The following RPN2 variants were observed in gnomAD, a reference collection of about 807,000 sequenced individuals.
RPN2 encodes ribophorin II, also known as dolichyl-diphosphooligosaccharide--protein glycosyltransferase subunit 2.
In RPN2, 29 loss-of-function variants were observed where a neutral mutation model predicts 71.4. That is an observed-to-expected ratio of 0.41 (90% CI 0.30 to 0.55). The LOEUF (loss-of-function observed/expected upper bound fraction) is 0.55. Among genes scored for constraint, RPN2 ranks in the 20% least tolerant of loss-of-function variants. RPN2 has a pLI of 0.35. For missense variants in RPN2, 726 were observed against 774.1 expected (o/e 0.94, Z 0.74); for synonymous variants, 308 against 305.0 (o/e 1.01, Z -0.10).
In RPN2 at chr20:37,236,851, G is replaced by A. The variant is rs1600853525; in HGVS notation, c.1883+142G>A. Reference sequence around the variant, plus strand: ...CACCCTAATCTAGCCCAGTACAGAAGCCAGAAGCACTTTGAAGTCAGAAAA... The same window carrying A: ...CACCCTAATCTAGCCCAGTACAGAAACCAGAAGCACTTTGAAGTCAGAAAA... On this transcript the variant is annotated intron_variant, in intron 16 of 16. Transcript: ENST00000237530. 5 of 821,210 alleles carry A rather than the reference G, an allele frequency of 6.1e-6. No homozygotes were observed. The East Asian group carries it at 1.0e-4, about 17-fold the overall frequency. The allele number at this position is 821,210 out of a possible 1,614,324, so 50.9% of individuals were successfully genotyped here.
intron 15 of RPN2, among the ~76,000 whole-genome samples, chr20:37,234,934 C>A (rs2068346074): frequency 6.6e-6 from 1 of 152,158 alleles, no homozygotes; most frequent in African/African-American, 2.4e-5. Flanking sequence ...CCGCCTTTGG[C>A]CTCCCAGAGT....
At chr20:37,198,575 T>G in intron 3 of RPN2, 83 bp downstream of exon 3, 1 of 1,598,612 alleles carries the variant, frequency 6.3e-7, no homozygotes, top group Middle Eastern at 1.7e-4. Flanking sequence ...CAAACATCCT[T>G]TTTTTAATTA....
At chr20:37,216,609 A>G (rs1162948589) in intron 9 of RPN2, among the ~76,000 whole-genome samples, 1 of 151,612 alleles carries the variant, frequency 6.6e-6, no homozygotes. Flanking sequence ...CTACAGGTGC[A>G]TGCCACCACA....
chr20:37,197,547 C>G (rs1487650991), intron 2 of RPN2, among the ~76,000 whole-genome samples: 1 of 152,186 alleles, frequency 6.6e-6, no homozygotes, highest in East Asian at 1.9e-4. Context: ...ATGGTATTAC[C>G]TGTGCATGAG....
At chr20:37,232,957 G>T (rs2068291004) in intron 14 of RPN2, among the ~76,000 whole-genome samples, 1 of 152,130 alleles carries the variant, frequency 6.6e-6, no homozygotes, top group African/African-American at 2.4e-5. Flanking sequence ...GCTCATGCCT[G>T]TAATCCCAGC....
chr20:37,191,629 G>A (rs992891809), intron 2 of RPN2, among the ~76,000 whole-genome samples: 12 of 151,690 alleles, frequency 7.9e-5, no homozygotes, highest in Admixed American at 2.6e-4. Flanking sequence ...TTAGCTGGGC[G>A]TGGTGGCGGG....
intron 9 of RPN2, among the ~76,000 whole-genome samples, chr20:37,214,731 C>T (rs1271428296): frequency 6.6e-6 from 1 of 152,160 alleles, no homozygotes. Context: ...CTACTCAGAA[C>T]AAGAAGTATA....
Position 37,210,172 on chromosome 20 carries a change from C to T in RPN2, c.986+7C>T. 5.0e-6 allele frequency: 8 copies of T among 1,613,772 alleles called. No individual in the cohort carries two copies. The highest frequency in any genetic ancestry group is 6.8e-6 in the Non-Finnish European group (8 of 1,179,966). ...CATCCTTCACCCCTGTAGGGTAAGT[C>T]CTGATCATATTTTGGTGGGGCGCTG... On this transcript the variant is annotated splice_region_variant and intron_variant, in intron 8 of 16. Coordinates refer to ENST00000237530, the MANE Select transcript of RPN2 (RefSeq NM_002951.5).
rs11474653 is a variant in RPN2 at position 37,189,323 on chromosome 20, A to ATGTG, written c.207+4985_207+4988dup. 0.02 allele frequency among the ~76,000 whole-genome samples: 1,289 copies of ATGTG among 64,580 alleles called. 61 individuals carry two copies. The East Asian group carries it at 0.24, about 12-fold the overall frequency. 42.4% of individuals were successfully genotyped at this position (64,580 alleles called of 152,430 possible). On this transcript the variant is annotated intron_variant, in intron 2 of 16. Transcript: ENST00000237530. The stretch of plus-strand genomic sequence containing the variant: ...CCAATGGGCCAAACTGTGTGTGTGT[A>ATGTG]TGTGTGTGTGTGTGTGTGTGTGTGT...
At chr20:37,233,994 T>C (rs760777802) in intron 14 of RPN2, 26 bp from the exon 15 acceptor site, 23 of 1,613,606 alleles carry the variant, frequency 1.4e-5, no homozygotes, top group African/African-American at 2.7e-5. Flanking sequence ...TAATGCCTTT[T>C]TAATTTATTT....
At chr20:37,183,260 G>A (rs6073576) in intron 1 of RPN2, among the ~76,000 whole-genome samples, 4 of 151,334 alleles carry the variant, frequency 2.6e-5, no homozygotes, top group Non-Finnish European at 5.9e-5. Context: ...TTGTCACTCA[G>A]GTTGGCAACA....
At chr20:37,188,664 T>C (rs769900566) in intron 2 of RPN2, among the ~76,000 whole-genome samples, 7 of 148,908 alleles carry the variant, frequency 4.7e-5, no homozygotes, top group Non-Finnish European at 8.9e-5. Flanking sequence ...GTTGCCCAGG[T>C]TGGAGTGCAG....
At chr20:37,179,471 A>C (rs1042002391) in intron 1 of RPN2, 102 bp downstream of exon 1, 3 of 1,414,972 alleles carry the variant, frequency 2.1e-6, no homozygotes, top group Admixed American at 5.5e-5. Flanking sequence ...CCCCTGCGGG[A>C]CAGGGGCATG....
rs190131943 is a variant in RPN2 at position 37,221,224 on chromosome 20, C to G, written c.1093-2654C>G. 3.6e-4 allele frequency among the ~76,000 whole-genome samples: 54 copies of G among 150,176 alleles called. No homozygotes were observed. The East Asian group carries it at 7.8e-3, about 22-fold the overall frequency. On this transcript the variant is annotated intron_variant, in intron 9 of 16. Coordinates refer to ENST00000237530, the MANE Select transcript of RPN2 (RefSeq NM_002951.5). ...TTTTTTTTTTTTTTTGAGGCGGAGC[C>G]TTGCCCTATTGCCCAGGCTGGAGTG...
At chr20:37,226,585 G>C (rs1037412658) in intron 11 of RPN2, among the ~76,000 whole-genome samples, 1 of 152,130 alleles carries the variant, frequency 6.6e-6, no homozygotes, top group Non-Finnish European at 1.5e-5. Flanking sequence ...AAGACCCAAA[G>C]CATTTTTTTA....
chr20:37,196,889 C>T (rs912270015), intron 2 of RPN2, among the ~76,000 whole-genome samples: 1 of 152,112 alleles, frequency 6.6e-6, no homozygotes. Flanking sequence ...GATCTTGGGC[C>T]ACTAGTCACT....
intron 14 of RPN2, among the ~76,000 whole-genome samples, chr20:37,232,612 G>A (rs1299033642): frequency 6.6e-6 from 1 of 152,130 alleles, no homozygotes; most frequent in African/African-American, 2.4e-5. Context: ...GCATGAGAAA[G>A]TACCTAACAG....
chr20:37,211,406 A>G (rs1057241728), intron 8 of RPN2, among the ~76,000 whole-genome samples: 1 of 150,380 alleles, frequency 6.6e-6, no homozygotes, highest in African/African-American at 2.4e-5. Context: ...GGGGGGGCCA[A>G]GGTGGGCGGA....
chr20:37,231,624 A>C (rs1437822748), intron 13 of RPN2, among the ~76,000 whole-genome samples: 5 of 151,658 alleles, frequency 3.3e-5, no homozygotes, highest in South Asian at 2.1e-4. Context: ...AGGCAGGAGG[A>C]TCTTTTGAGC....
Sources: allele counts gnomAD v4.1 joint callset (sites outside exome capture counted in the v4.1 genomes callset), GRCh38; gene constraint gnomAD v4.1.1; transcripts MANE v1.5; gene names NCBI Gene and HGNC (gene_info 2026-07-23, HGNC 2026-07-21).